PI4KB: variants seen among roughly 807,000 people sequenced by gnomAD.
The protein encoded by PI4KB is phosphatidylinositol 4-kinase beta, also known as PtdIns 4-kinase beta.
Under a neutral mutation model 81.4 loss-of-function variants are expected in PI4KB, and 23 were observed. The ratio of observed to expected loss-of-function variants is 0.28; its 90% confidence interval spans 0.20 to 0.40. The LOEUF (loss-of-function observed/expected upper bound fraction) is 0.40, where lower values mean the gene tolerates loss of function less well. Among genes scored for constraint, PI4KB ranks in the 10% least tolerant of loss-of-function variants. The pLI, the probability that PI4KB is intolerant of heterozygous loss-of-function variation, is 1.00. For missense variants in PI4KB, 651 were observed against 1,036.6 expected (o/e 0.63, Z 5.11); for synonymous variants, 381 against 406.8 (o/e 0.94, Z 0.76).
chr1:151,315,206 T>TG (rs1647731028), intron 2 of PI4KB, among the ~76,000 whole-genome samples: 1 of 152,090 alleles, frequency 6.6e-6, no homozygotes, highest in Non-Finnish European at 1.5e-5. Flanking sequence ...CTCAAACTCC[T>TG]GACCTCGTGA....
At chr1:151,327,654 A>C, upstream of PI4KB, 1 of 347,468 alleles carries the variant, frequency 2.9e-6, no homozygotes, top group Non-Finnish European at 5.1e-6. Context: ...TTCCATAGTA[A>C]TCTAAGGAGT....
intron 9 of PI4KB, among the ~76,000 whole-genome samples, chr1:151,296,075 G>A (rs371512565): frequency 5.3e-5 from 8 of 152,108 alleles, no homozygotes; most frequent in African/African-American, 4.8e-5. Context: ...GTGAAACCCC[G>A]TCTCTACTAA....
At chr1:151,320,713 C>T (rs1394860754) in intron 1 of PI4KB, among the ~76,000 whole-genome samples, 1 of 152,222 alleles carries the variant, frequency 6.6e-6, no homozygotes, top group African/African-American at 2.4e-5. Context: ...TCGTAGGGCA[C>T]TCTCATCAGA....
intron 1 of PI4KB, among the ~76,000 whole-genome samples, chr1:151,323,257 C>A (rs571639068): frequency 1.3e-5 from 2 of 152,328 alleles, no homozygotes; most frequent in African/African-American, 2.4e-5. Context: ...GTAATCCCAG[C>A]ACTCTGGGAG....
chr1:151,300,374 A>G (rs1695156613), intron 8 of PI4KB, among the ~76,000 whole-genome samples: 1 of 152,158 alleles, frequency 6.6e-6, no homozygotes, highest in Admixed American at 6.5e-5. Flanking sequence ...TGGGAGGTGG[A>G]GGTGGGCGGA....
chr1:151,293,422 C>T, intron 11 of PI4KB: 2 of 1,269,854 alleles, frequency 1.6e-6, no homozygotes, highest in East Asian at 5.9e-5. Flanking sequence ...CCACCGTCAT[C>T]ATGGGGCCAG....
chr1:151,293,333 G>A (rs1694470566), intron 11 of PI4KB: 1 of 1,367,572 alleles, frequency 7.3e-7, no homozygotes, highest in African/African-American at 1.5e-5. Flanking sequence ...GAGGCTGGAG[G>A]GAGTGGGCCC....
At chr1:151,321,904 T>C (rs1007202675) in intron 1 of PI4KB, among the ~76,000 whole-genome samples, 2 of 132,316 alleles carry the variant, frequency 1.5e-5, no homozygotes, top group East Asian at 2.2e-4. Flanking sequence ...CCTTTGAGGG[T>C]AACTGTTCTA....
rs1245493562 is a variant in PI4KB, at chr1:151,292,490, A to C, written c.*362T>G. 5.1e-6 allele frequency: 1 copy of C among 194,276 alleles called. No homozygotes were observed. Among genetic ancestry groups the C allele is most frequent in the Admixed American group, 5.7e-5 (1 of 17,686 alleles). 12.0% of individuals were successfully genotyped at this position (194,276 alleles called of 1,614,324 possible). A position where few individuals can be genotyped will look rare whatever the true frequency, so the allele number is the denominator to read the frequency against. On this transcript the variant is annotated 3_prime_UTR_variant, in exon 12 of 12. Transcript: ENST00000368873. ...ACTTCCTGGGCCCCAGAACGGAATA[A>C]GAGGATGGCCTGTGGAAAGAACCTC...
intron 1 of PI4KB, among the ~76,000 whole-genome samples, chr1:151,317,294 C>T (rs1450920994): frequency 6.6e-6 from 1 of 151,764 alleles, no homozygotes; most frequent in Admixed American, 6.6e-5. Flanking sequence ...TGCACACCAC[C>T]ATGCCTGGCT....
chr1:151,323,447 C>T (rs1210871607), intron 1 of PI4KB, among the ~76,000 whole-genome samples: 1 of 143,472 alleles, frequency 7.0e-6, no homozygotes, highest in African/African-American at 2.6e-5. Context: ...GCGCAGGTTG[C>T]CGTGAGCTGA....
chr1:151,307,945 A>G, intron 3 of PI4KB, 144 bp from the exon 4 acceptor site: 1 of 635,122 alleles, frequency 1.6e-6, no homozygotes, highest in Non-Finnish European at 2.8e-6. Flanking sequence ...TAGTCTTAGT[A>G]GGAGCTTCCA....
At position 151,316,038 on chromosome 1, in the gene PI4KB, C is replaced by G; in HGVS notation, c.444G>C (p.Leu148=). ...LFDISMAISY[L]YNSKEPGVQA... ...GTACTCCAGGCTCCTTGGAGTTATACAGGTATGAAATGGCCATGGAGATGT... is the reference window on the plus strand; with the variant it reads ...GTACTCCAGGCTCCTTGGAGTTATAGAGGTATGAAATGGCCATGGAGATGT... The change falls in exon 2 of 12, where the codon CTG becomes CTC. Residue 148 remains leucine, a synonymous_variant. Coordinates refer to ENST00000368873, the MANE Select transcript of PI4KB (RefSeq NM_001369623.2). 1 of 1,614,132 alleles carries G rather than the reference C, an allele frequency of 6.2e-7. No individual in the cohort carries two copies. Among genetic ancestry groups the G allele is most frequent in the Non-Finnish European group, 8.5e-7 (1 of 1,179,998 alleles).
At chr1:151,296,210 G>C (rs1467615293) in intron 9 of PI4KB, among the ~76,000 whole-genome samples, 1 of 152,152 alleles carries the variant, frequency 6.6e-6, no homozygotes, top group African/African-American at 2.4e-5. Context: ...TCACGCCACT[G>C]CACTCCAGCC....
rs1256582728 is a variant in PI4KB at position 151,316,264 on chromosome 1, G to A, written c.218C>T (p.Thr73Ile). The change falls in exon 2 of 12, where the codon ACC (threonine) becomes ATC (isoleucine). Residue 73 changes from threonine (T) to isoleucine (I), a missense_variant. Physicochemically the swap from Thr to Ile is moderately conservative, Grantham distance 89. Transcript: ENST00000368873. ...ATCCCCATTGACCAACTCCAGTGGG[G>A]TGCCTCTGCTAGAGACTGCCACGCC... is the stretch of plus-strand genomic sequence containing the variant. ...HGGVAVSSRG[T>I]PLELVNGDGV... The A allele has an allele frequency of 8.1e-6, 13 of 1,614,070 alleles. No homozygotes were observed. Among genetic ancestry groups the A allele is most frequent in the Middle Eastern group, 3.3e-4 (2 of 6,082 alleles).
chr1:151,324,184 C>A (rs1354276013), intron 1 of PI4KB, among the ~76,000 whole-genome samples: 1 of 152,112 alleles, frequency 6.6e-6, no homozygotes, highest in Non-Finnish European at 1.5e-5. Flanking sequence ...TGGTTTCCAA[C>A]TCTTGACCTC....
Position 151,294,508 on chromosome 1 carries a change from G to A in PI4KB, c.2049C>T (p.Gly683=). 3.1e-6 allele frequency: 5 copies of A among 1,614,020 alleles called. No individual in the cohort carries two copies. The highest frequency in any genetic ancestry group is 4.2e-6 in the Non-Finnish European group (5 of 1,179,920). The change falls in exon 10 of 12, where the codon GGC becomes GGT. Residue 683 remains glycine (G), a synonymous_variant. Transcript: ENST00000368873. ...AGCCAAAGTCGATGTGGATGATGTG[G>A]CCTTCTGCGTCCAAAAGGATATTCC... ...HNGNILLDAE[G]HIIHIDFGFI... is the part of the protein sequence containing the mutation.
intron 3 of PI4KB, among the ~76,000 whole-genome samples, chr1:151,309,906 C>T (rs1406721310): frequency 1.3e-5 from 2 of 152,172 alleles, no homozygotes; most frequent in African/African-American, 4.8e-5. Context: ...GGAGTGAATT[C>T]TACCTCTCTC....
At chr1:151,324,246 C>A (rs955317721) in intron 1 of PI4KB, among the ~76,000 whole-genome samples, 2 of 152,200 alleles carry the variant, frequency 1.3e-5, no homozygotes, top group African/African-American at 4.8e-5. Context: ...CGGGCATGAG[C>A]CACGGTGCCC....
Sources: gnomAD v4.1 joint callset for allele counts (sites outside exome capture counted in the v4.1 genomes callset) on GRCh38, gnomAD v4.1.1 for gene constraint, MANE v1.5 for transcripts, NCBI Gene and HGNC (gene_info 2026-07-23, HGNC 2026-07-21) for gene names.